PTPRT: variants seen among roughly 807,000 people sequenced by gnomAD.
PTPRT encodes protein tyrosine phosphatase receptor type T.
PTPRT carries 56 observed loss-of-function variants against 176.8 expected under a neutral mutation model. The ratio of observed to expected loss-of-function variants is 0.32; its 90% CI spans 0.26 to 0.40. The LOEUF is 0.40. Ranked by LOEUF, PTPRT falls within the 10% of genes least tolerant of loss-of-function variation. The pLI is 1.00. For missense variants in PTPRT, 1,540 were observed against 1,908.2 expected (o/e 0.81, Z 3.60); for synonymous variants, 783 against 739.0 (o/e 1.06, Z -0.96).
At chr20:42,262,214 C>T (rs2056761688) in intron 13 of PTPRT, among the ~76,000 whole-genome samples, 2 of 152,194 alleles carry the variant, frequency 1.3e-5, no homozygotes, top group African/African-American at 4.8e-5. Flanking sequence ...GTATTAAAAG[C>T]TGATCTGTTC....
rs145354716 is a variant in PTPRT at position 42,301,947 on chromosome 20, T to C, written c.2139+13776A>G. Among the ~76,000 whole-genome samples the C allele has an allele frequency of 7.9e-5, 12 of 152,340 alleles. No homozygotes were observed. The East Asian group carries it at 2.3e-3, about 29-fold the overall frequency. On this transcript the variant is annotated intron_variant, in intron 12 of 30. Transcript: ENST00000373187. Reference sequence around the variant, plus strand: ...CTGTTATCATCTTGACTTTTGTATGTGTGAAACGTTTCTTAGCTAACAACG... The same window carrying C: ...CTGTTATCATCTTGACTTTTGTATGCGTGAAACGTTTCTTAGCTAACAACG...
intron 9 of PTPRT, among the ~76,000 whole-genome samples, chr20:42,412,678 G>T (rs2059029569): frequency 6.6e-6 from 1 of 152,174 alleles, no homozygotes; most frequent in African/African-American, 2.4e-5. Context: ...TGGATGAACT[G>T]TGATATATTC....
the PTPRT span, among the ~76,000 whole-genome samples, chr20:42,062,980 T>C: frequency 6.6e-6 from 1 of 152,238 alleles, no homozygotes; most frequent in African/African-American, 2.4e-5. Flanking sequence ...ACAGCACATT[T>C]ATTTTGTTCT....
chr20:42,633,878 T>TTATAATATAATTATTATA (rs2074480886), intron 7 of PTPRT, among the ~76,000 whole-genome samples: 1 of 81,132 alleles, frequency 1.2e-5, no homozygotes, highest in South Asian at 3.0e-4. Context: ...CTATAATATA[T>TTATAATATAATTATTATA]TATAATATAA....
intron 13 of PTPRT, among the ~76,000 whole-genome samples, chr20:42,273,410 T>G (rs1211497916): frequency 6.6e-6 from 1 of 152,166 alleles, no homozygotes; most frequent in African/African-American, 2.4e-5. Context: ...AGATGGGGTT[T>G]CTTCTTGTTG....
chr20:42,104,521 C>A (rs1469073667), intron 25 of PTPRT, 48 bp downstream of exon 25: 3 of 1,545,646 alleles, frequency 1.9e-6, no homozygotes, highest in East Asian at 4.6e-5. Context: ...TTTGTTATAA[C>A]AACCCAAACT....
chr20:42,771,238 C>T (rs1420285430), intron 5 of PTPRT, among the ~76,000 whole-genome samples, 197 bp downstream of exon 5: 1 of 152,190 alleles, frequency 6.6e-6, no homozygotes, highest in African/African-American at 2.4e-5. Flanking sequence ...CACCCCATCT[C>T]ACAAGCCCAG....
chr20:42,963,737 T>G (rs1403863516), intron 1 of PTPRT, among the ~76,000 whole-genome samples: 1 of 152,168 alleles, frequency 6.6e-6, no homozygotes, highest in Non-Finnish European at 1.5e-5. Flanking sequence ...CACCCTACCC[T>G]GCACAGGGGA....
chr20:42,034,013 C>A, the PTPRT span, among the ~76,000 whole-genome samples: 1 of 152,114 alleles, frequency 6.6e-6, no homozygotes, highest in Non-Finnish European at 1.5e-5. Context: ...ATCAGGTATA[C>A]TAGTTTTCTG....
intron 12 of PTPRT, among the ~76,000 whole-genome samples, chr20:42,285,673 C>A (rs764236267): frequency 8.6e-5 from 13 of 151,564 alleles, no homozygotes; most frequent in Non-Finnish European, 1.6e-4. Context: ...CACAGCACTG[C>A]AAGTCCTAGC....
intron 8 of PTPRT, among the ~76,000 whole-genome samples, chr20:42,459,420 C>T (rs1268499553): frequency 6.6e-6 from 1 of 152,160 alleles, no homozygotes; most frequent in Non-Finnish European, 1.5e-5. Flanking sequence ...TTAACAAGAT[C>T]ATTTTGGTGC....
At chr20:42,162,446 C>A (rs1486924797) in intron 16 of PTPRT, among the ~76,000 whole-genome samples, 1 of 152,184 alleles carries the variant, frequency 6.6e-6, no homozygotes, top group Non-Finnish European at 1.5e-5. Context: ...GGTTTGAATT[C>A]TTCTGTTCCC....
intron 4 of PTPRT, among the ~76,000 whole-genome samples, chr20:42,774,505 T>C (rs2077106028): frequency 6.6e-6 from 1 of 152,222 alleles, no homozygotes; most frequent in Non-Finnish European, 1.5e-5. Context: ...AAATCCAGAC[T>C]TTATATGAAA....
At chr20:42,436,645 A>T (rs956863640) in intron 9 of PTPRT, among the ~76,000 whole-genome samples, 7 of 152,208 alleles carry the variant, frequency 4.6e-5, no homozygotes, top group African/African-American at 7.2e-5. Flanking sequence ...AAAACTTAAC[A>T]TTCATTTACC....
intron 2 of PTPRT, 59 bp from the exon 3 acceptor site, chr20:42,791,525 T>C: frequency 6.7e-6 from 10 of 1,502,494 alleles, no homozygotes; most frequent in Non-Finnish European, 9.0e-6. Context: ...AAAATCCTTC[T>C]GAAAATCAGT....
At chr20:42,876,099 A>G (rs2078925503) in intron 2 of PTPRT, among the ~76,000 whole-genome samples, 2 of 152,158 alleles carry the variant, frequency 1.3e-5, no homozygotes, top group Non-Finnish European at 2.9e-5. Flanking sequence ...TCAATATGTT[A>G]ATGGTGATAT....
intron 12 of PTPRT, among the ~76,000 whole-genome samples, chr20:42,307,758 G>A (rs1372259776): frequency 6.6e-6 from 1 of 152,120 alleles, no homozygotes; most frequent in East Asian, 1.9e-4. Context: ...ATAGGGGCTG[G>A]GTAAAATAAG....
At position 42,654,706 on chromosome 20, in the gene PTPRT, T is replaced by C. The variant is rs73907222; in HGVS notation, c.1153+23160A>G. Among the ~76,000 whole-genome samples, 696 of 152,300 alleles carry C rather than the reference T, an allele frequency of 4.6e-3. 5 individuals carry two copies. The highest frequency in any genetic ancestry group is 0.016 in the African/African-American group (663 of 41,558). ...TCATTAAAGCCTCACAGGAGCCCAC[T>C]GAGATGGGTACAGTTATTCCAAATG... On this transcript the variant is annotated intron_variant, in intron 7 of 30. Transcript: ENST00000373187.
At chr20:42,745,474 C>T (rs979384189) in intron 6 of PTPRT, among the ~76,000 whole-genome samples, 3 of 152,088 alleles carry the variant, frequency 2.0e-5, no homozygotes, top group Admixed American at 2.0e-4. Flanking sequence ...GATGTCAGTA[C>T]CCCCCCTCTC....
Sources: gnomAD v4.1 joint callset for allele counts (sites outside exome capture counted in the v4.1 genomes callset) on GRCh38, gnomAD v4.1.1 for gene constraint, MANE v1.5 for transcripts, NCBI Gene and HGNC (gene_info 2026-07-23, HGNC 2026-07-21) for gene names.